CNRIP1: variants seen among roughly 807,000 people sequenced by gnomAD.
CNRIP1 encodes the protein CB1 cannabinoid receptor-interacting protein 1.
In CNRIP1, 10 loss-of-function variants were observed where a neutral mutation model predicts 15.2. The ratio of observed to expected loss-of-function variants is 0.66; its 90% confidence interval spans 0.41 to 1.12. CNRIP1 has a LOEUF of 1.12. CNRIP1 is among the 50% of genes most tolerant of loss of function. The pLI is 0.00. For missense variants in CNRIP1, 211 were observed against 214.7 expected (o/e 0.98, Z 0.11); for synonymous variants, 91 against 83.2 (o/e 1.09, Z -0.51).
chr2:68,300,910 T>C (rs1015543870), intron 2 of CNRIP1, among the ~76,000 whole-genome samples: 1 of 152,192 alleles, frequency 6.6e-6, no homozygotes, highest in Non-Finnish European at 1.5e-5. Context: ...ATCTACCTAA[T>C]GAGGAAATTG....
At chr2:68,310,878 AG>A (rs1672047354) in intron 2 of CNRIP1, among the ~76,000 whole-genome samples, 1 of 152,204 alleles carries the variant, frequency 6.6e-6, no homozygotes, top group Non-Finnish European at 1.5e-5. Flanking sequence ...ACTATAAAAA[AG>A]ACAAATGAAA....
In CNRIP1 at chr2:68,319,518, G is replaced by T; in HGVS notation, c.-118C>A. ...CGCGGGGAGGGTGAGGGAGGTGGTGGAGCTGAGGCTGCCGCTAGGAACCCG... is the reference window on the plus strand; with the variant it reads ...CGCGGGGAGGGTGAGGGAGGTGGTGTAGCTGAGGCTGCCGCTAGGAACCCG... On this transcript the variant is annotated 5_prime_UTR_variant, in exon 1 of 3. Coordinates refer to ENST00000263655, the MANE Select transcript of CNRIP1 (RefSeq NM_015463.3). 1 of 1,094,042 alleles carries T rather than the reference G, an allele frequency of 9.1e-7. No individual in the cohort carries two copies. Among genetic ancestry groups the T allele is most frequent in the Non-Finnish European group, 1.2e-6 (1 of 807,692 alleles). The allele number at this position is 1,094,042 out of a possible 1,614,324, so 67.8% of individuals were successfully genotyped here.
chr2:68,314,857 T>A (rs1227665242), intron 2 of CNRIP1, among the ~76,000 whole-genome samples: 1 of 151,988 alleles, frequency 6.6e-6, no homozygotes, highest in Non-Finnish European at 1.5e-5. Flanking sequence ...AATATAAAAG[T>A]AAGAACTGAA....
chr2:68,288,316 TA>T (rs1282379180), downstream of CNRIP1, among the ~76,000 whole-genome samples: 2 of 152,182 alleles, frequency 1.3e-5, no homozygotes, highest in African/African-American at 4.8e-5. Context: ...TAGTGACATT[TA>T]AGCTGGCACT....
At chr2:68,297,965 A>AT (rs748728895) in intron 2 of CNRIP1, among the ~76,000 whole-genome samples, 1 of 152,102 alleles carries the variant, frequency 6.6e-6, no homozygotes, top group African/African-American at 2.4e-5. Context: ...CCTTACTCAG[A>AT]TTTTTTCTAC....
rs1161755509 is a variant in CNRIP1, at chr2:68,319,897, C to G, written c.-497G>C. 1 of 152,678 alleles carries G rather than the reference C, an allele frequency of 6.5e-6. No individual in the cohort carries two copies. Among genetic ancestry groups the G allele is most frequent in the Non-Finnish European group, 1.5e-5 (1 of 68,454 alleles). The allele number at this position is 152,678 out of a possible 1,614,324, so 9.5% of individuals were successfully genotyped here. A position where few individuals can be genotyped will look rare whatever the true frequency, so the allele number is the denominator to read the frequency against. ...GTTAAGCGACCACTATGCCAAGGAG[C>G]GAGACCCCCGGAATCTGGATACCGC... On this transcript the variant is annotated 5_prime_UTR_variant, in exon 1 of 3. Transcript: ENST00000263655.
intron 2 of CNRIP1, among the ~76,000 whole-genome samples, chr2:68,304,496 G>C (rs117653824): frequency 2.6e-5 from 4 of 152,030 alleles, no homozygotes; most frequent in South Asian, 2.1e-4. Context: ...ACTGTAACTC[G>C]TGAATCCAGC....
intron 2 of CNRIP1, among the ~76,000 whole-genome samples, chr2:68,305,244 CAAAAAA>C (rs60243249): frequency 0.17 from 15,963 of 91,552 alleles, 2,035 homozygotes; most frequent in East Asian, 0.6. Context: ...AACTCCGTCT[CAAAAAA>C]AAAAAAAAAA....
At chr2:68,290,195 AT>A (rs1671130255), downstream of CNRIP1, among the ~76,000 whole-genome samples, 1 of 151,304 alleles carries the variant, frequency 6.6e-6, no homozygotes, top group Admixed American at 6.6e-5. Flanking sequence ...TGCTGGGTAA[AT>A]TTTACATTTT....
At chr2:68,306,534 G>C (rs1471101458) in intron 2 of CNRIP1, among the ~76,000 whole-genome samples, 2 of 151,986 alleles carry the variant, frequency 1.3e-5, no homozygotes, top group African/African-American at 2.4e-5. Context: ...TAATCCCAGC[G>C]TTTTGGGAGG....
intron 2 of CNRIP1, among the ~76,000 whole-genome samples, chr2:68,314,826 C>T (rs1012888045): frequency 6.6e-6 from 1 of 151,940 alleles, no homozygotes; most frequent in Non-Finnish European, 1.5e-5. Flanking sequence ...TGTATTAGGA[C>T]ACTGTGGGCA....
chr2:68,319,895 A>C lies in CNRIP1; in HGVS notation c.-495T>G, dbSNP rs1339291673. 2 of 152,734 alleles carry C rather than the reference A, an allele frequency of 1.3e-5. No homozygotes were observed. Among genetic ancestry groups the C allele is most frequent in the African/African-American group, 2.4e-5 (1 of 41,448 alleles). The allele number at this position is 152,734 out of a possible 1,614,324, so 9.5% of individuals were successfully genotyped here. A position where few individuals can be genotyped will look rare whatever the true frequency, so the allele number is the denominator to read the frequency against. On this transcript the variant is annotated 5_prime_UTR_variant, in exon 1 of 3. Transcript: ENST00000263655. ...GAGTTAAGCGACCACTATGCCAAGG[A>C]GCGAGACCCCCGGAATCTGGATACC...
intron 1 of CNRIP1, among the ~76,000 whole-genome samples, chr2:68,318,830 C>T (rs1441087409): frequency 6.6e-6 from 1 of 152,192 alleles, no homozygotes. Flanking sequence ...GGACCGCGCG[C>T]AGGAGGGCTG....
chr2:68,316,413 T>A (rs1204767122), intron 2 of CNRIP1: 1 of 152,166 alleles, frequency 6.6e-6, no homozygotes, highest in East Asian at 1.9e-4. Context: ...GGCTGCCCAG[T>A]TTGCAAGCAG....
exon 3 of CNRIP1, chr2:68,284,468 C>G: frequency 1.3e-6 from 2 of 1,541,316 alleles, no homozygotes; most frequent in Non-Finnish European, 1.8e-6. Flanking sequence ...CTCTTGGGGT[C>G]GTTGTTCCAG....
chr2:68,293,000 A>T (rs141894782), downstream of CNRIP1: 393 of 985,126 alleles, frequency 4.0e-4, 2 homozygotes, highest in African/African-American at 6.1e-3. Flanking sequence ...TAAGAATGCA[A>T]GTCAGGGCAT....
At chr2:68,300,352 C>CAATCCCAGCA (rs1374104739) in intron 2 of CNRIP1, among the ~76,000 whole-genome samples, 1 of 152,178 alleles carries the variant, frequency 6.6e-6, no homozygotes, top group Non-Finnish European at 1.5e-5. Flanking sequence ...GGTGCAGTGG[C>CAATCCCAGCA]TCATGCTGGC....
In CNRIP1 at chr2:68,297,567, CAAAAAAAAAAAAAAA is replaced by C. The variant is rs112601365; in HGVS notation, c.331-3556_331-3542del. Among the ~76,000 whole-genome samples, 17 of 98,910 alleles carry C rather than the reference CAAAAAAAAAAAAAAA, an allele frequency of 1.7e-4. No individual in the cohort carries two copies. In the South Asian group the frequency reaches 2.1e-3, roughly 12 times the overall value. 64.9% of individuals were successfully genotyped at this position (98,910 alleles called of 152,430 possible). ...TGGGCAACAGGGCAAGACACTGTCT[CAAAAAAAAAAAAAAA>C]AAAAAAAAAAAAAAAAAGGAAAAAA... On this transcript the variant is annotated intron_variant, in intron 2 of 2. Transcript: ENST00000263655.
intron 2 of CNRIP1, among the ~76,000 whole-genome samples, chr2:68,303,630 T>C (rs901464189): frequency 6.6e-6 from 1 of 152,268 alleles, no homozygotes; most frequent in Admixed American, 6.5e-5. Flanking sequence ...TCTTCCTATT[T>C]GGATCTGTAA....
Sources: allele counts gnomAD v4.1 joint callset (sites outside exome capture counted in the v4.1 genomes callset), GRCh38; gene constraint gnomAD v4.1.1; transcripts MANE v1.5; gene names NCBI Gene and HGNC (gene_info 2026-07-23, HGNC 2026-07-21).